The following AMMECR1 variants were observed in gnomAD, a reference collection of about 807,000 sequenced individuals.
AMMECR1 encodes the protein nuclear protein AMMECR1.
In AMMECR1, 3 loss-of-function variants were observed where a neutral mutation model predicts 22.5. The observed-to-expected ratio is 0.13, with a 90% CI of 0.06 to 0.35. AMMECR1 has a LOEUF of 0.35. AMMECR1 is among the 10% of genes least tolerant of loss of function. AMMECR1 has a pLI of 1.00. For missense variants in AMMECR1, 235 were observed against 278.7 expected (o/e 0.84, Z 1.12); for synonymous variants, 130 against 116.7 (o/e 1.11, Z -0.74).
At chrX:110,214,132 G>A (rs774467895) in intron 3 of AMMECR1, among the ~76,000 whole-genome samples, 2 of 110,273 alleles carry the variant, frequency 1.8e-5, no homozygotes, top group Non-Finnish European at 3.8e-5. Context: ...TCATAGTGGT[G>A]GGCGCCTGTA....
At chrX:110,431,023 C>T (rs898483971) in intron 1 of AMMECR1, among the ~76,000 whole-genome samples, 1 of 111,935 alleles carries the variant, frequency 8.9e-6, no homozygotes, top group Non-Finnish European at 1.9e-5. Context: ...TTCATAGGCC[C>T]TGAGGCTGTC....
At chrX:110,407,088 G>A (rs138012164) in intron 2 of AMMECR1, among the ~76,000 whole-genome samples, 2 of 111,727 alleles carry the variant, frequency 1.8e-5, no homozygotes, top group East Asian at 5.6e-4. Flanking sequence ...TAACAATGCC[G>A]CCAACTTCAC....
At chrX:110,207,110 C>T (rs151039050) in intron 3 of AMMECR1, among the ~76,000 whole-genome samples, 3 of 111,539 alleles carry the variant, frequency 2.7e-5, no homozygotes, top group Non-Finnish European at 5.7e-5. Flanking sequence ...CCTTTAGAGG[C>T]TGGTATCACA....
chrX:110,195,917 C>T lies in AMMECR1; in HGVS notation c.*2603G>A, dbSNP rs1305382757. ...CAAAAGCTACTTAGAGACAAAAATG[C>T]ACTTTGCATTACTTGAATACAAAAG... On this transcript the variant is annotated 3_prime_UTR_variant, in exon 6 of 6. Coordinates refer to ENST00000262844, the MANE Select transcript of AMMECR1 (RefSeq NM_015365.3). 1 of 111,958 alleles carries T rather than the reference C, an allele frequency of 8.9e-6. No homozygotes were observed. The highest frequency in any genetic ancestry group is 9.5e-5 in the Admixed American group (1 of 10,564). 9.2% of individuals were successfully genotyped at this position (111,958 alleles called of 1,213,427 possible).
intron 2 of AMMECR1, among the ~76,000 whole-genome samples, chrX:110,244,161 C>T (rs1349012245): frequency 9.0e-6 from 1 of 111,442 alleles, no homozygotes; most frequent in African/African-American, 3.3e-5. Context: ...ACTACCTTGT[C>T]TCTGTTATAT....
chrX:110,317,037 C>G (rs1024049481), intron 1 of AMMECR1, among the ~76,000 whole-genome samples: 1 of 111,773 alleles, frequency 8.9e-6, no homozygotes, highest in Non-Finnish European at 1.9e-5. Context: ...TTTAAGAAAC[C>G]TCCCCCCTTC....
At chrX:110,286,716 C>T (rs2067882388) in intron 1 of AMMECR1, among the ~76,000 whole-genome samples, 1 of 108,932 alleles carries the variant, frequency 9.2e-6, no homozygotes, top group Non-Finnish European at 1.9e-5. Context: ...AGTTACTTAA[C>T]GTCATCTTCT....
chrX:110,290,022 C>T lies in AMMECR1; in HGVS notation c.474-25423G>A, dbSNP rs148038269. 2.0e-3 allele frequency among the ~76,000 whole-genome samples: 225 copies of T among 111,079 alleles called. 6 individuals are homozygous for T. In the East Asian group the frequency reaches 0.051, roughly 25 times the overall value. Reference sequence around the variant, plus strand: ...TATTTCCTGGAATACAGGTAGAAACCCATTATAGTTAACATCAGGAAAACA... The same window carrying T: ...TATTTCCTGGAATACAGGTAGAAACTCATTATAGTTAACATCAGGAAAACA... On this transcript the variant is annotated intron_variant, in intron 1 of 5. Transcript: ENST00000262844.
chrX:110,226,825 G>A (rs957905830), intron 2 of AMMECR1, among the ~76,000 whole-genome samples: 1 of 111,825 alleles, frequency 8.9e-6, no homozygotes, highest in Non-Finnish European at 1.9e-5. Flanking sequence ...GTATAAATGT[G>A]AGCAGGTTCT....
chrX:110,341,766 C>T (rs1473926529), intron 2 of AMMECR1, among the ~76,000 whole-genome samples: 1 of 112,415 alleles, frequency 8.9e-6, no homozygotes, highest in East Asian at 2.8e-4. Context: ...AAAGTGCTTC[C>T]TTTCAATGAA....
intron 2 of AMMECR1, among the ~76,000 whole-genome samples, chrX:110,263,976 G>A (rs1289057766): frequency 8.9e-6 from 1 of 111,854 alleles, no homozygotes; most frequent in Non-Finnish European, 1.9e-5. Context: ...AAGAAAATAA[G>A]CAAGCTACAA....
intron 2 of AMMECR1, among the ~76,000 whole-genome samples, chrX:110,349,145 T>A (rs1024502297): frequency 4.5e-5 from 5 of 112,071 alleles, no homozygotes; most frequent in African/African-American, 6.5e-5. Flanking sequence ...GCATGCCTTA[T>A]AATAACCTTG....
chrX:110,436,096 G>A (rs373449407), intron 1 of AMMECR1, among the ~76,000 whole-genome samples: 15 of 112,667 alleles, frequency 1.3e-4, no homozygotes, highest in African/African-American at 4.2e-4. Context: ...ATCGCTGTGC[G>A]TTTTGCACCT....
chrX:110,342,264 G>C (rs1343436969), intron 2 of AMMECR1, among the ~76,000 whole-genome samples: 1 of 111,637 alleles, frequency 9.0e-6, no homozygotes, highest in African/African-American at 3.3e-5. Flanking sequence ...GCCATTTCAG[G>C]CATCCACTGG....
intron 1 of AMMECR1, among the ~76,000 whole-genome samples, chrX:110,265,950 G>A (rs1458252897): frequency 9.0e-6 from 1 of 111,406 alleles, no homozygotes; most frequent in Non-Finnish European, 1.9e-5. Flanking sequence ...ATACAAACCA[G>A]GGAGAAGTAC....
At chrX:110,318,343 A>G (rs1040795627), upstream of AMMECR1, 6 of 111,674 alleles carry the variant, frequency 5.4e-5, no homozygotes, top group African/African-American at 9.8e-5. Context: ...CCCAGCCCCA[A>G]TCTCAATCTC....
At chrX:110,408,503 C>T (rs2068618437) in intron 2 of AMMECR1, among the ~76,000 whole-genome samples, 1 of 112,445 alleles carries the variant, frequency 8.9e-6, no homozygotes, top group African/African-American at 3.2e-5. Flanking sequence ...AACTGCTTTT[C>T]TAATTATCTA....
At chrX:110,340,156 G>A (rs1211713308) in intron 2 of AMMECR1, among the ~76,000 whole-genome samples, 1 of 110,860 alleles carries the variant, frequency 9.0e-6, no homozygotes, top group Non-Finnish European at 1.9e-5. Context: ...GATGATGATG[G>A]TGGTGGTGAT....
At chrX:110,340,019 CAA>C (rs1569410446) in intron 2 of AMMECR1, among the ~76,000 whole-genome samples, 3 of 102,390 alleles carry the variant, frequency 2.9e-5, no homozygotes, top group East Asian at 3.0e-4. Flanking sequence ...CACACACACA[CAA>C]CATATTGGTT....
Sources: gnomAD v4.1 joint callset for allele counts (sites outside exome capture counted in the v4.1 genomes callset) on GRCh38, gnomAD v4.1.1 for gene constraint, MANE v1.5 for transcripts, NCBI Gene and HGNC (gene_info 2026-07-23, HGNC 2026-07-21) for gene names.